KCNU1: variants seen among roughly 807,000 people sequenced by gnomAD.
KCNU1 encodes potassium channel subfamily U member 1.
A neutral mutation model predicts 126.8 loss-of-function variants in KCNU1; 93 were observed. The observed-to-expected ratio is 0.73, with a 90% CI of 0.62 to 0.87. The LOEUF (loss-of-function observed/expected upper bound fraction) is 0.87. Among genes scored for constraint, KCNU1 ranks in the 40% least tolerant of loss-of-function variants. KCNU1 has a pLI of 0.00. For synonymous variants in KCNU1, 523 were observed against 494.2 expected, an observed-to-expected ratio of 1.06 and a Z score of -0.77; for missense variants, 1,330 against 1,367.1, an observed-to-expected ratio of 0.97 and a Z score of 0.43.
Position 36,935,523 on chromosome 8 carries a change from T to C in KCNU1, c.3053T>C (p.Ile1018Thr). 1.3e-6 allele frequency: 2 copies of C among 1,594,328 alleles called. No homozygotes were observed. The highest frequency in any genetic ancestry group is 1.7e-6 in the Non-Finnish European group (2 of 1,169,136). ...ELNPENKRFV[I>T]TRPANEFKLL... ...TTTGACTTGTCTTACAGGTTTGTGA[T>C]CACCCGGCCAGCCAATGAGTTCAAG... The change falls in exon 27 of 27, where the codon ATC becomes ACC. Residue 1018 changes from isoleucine (I) to threonine (T), a missense_variant. Ile to Thr is a moderately conservative substitution (Grantham distance 89, BLOSUM62 -1). Around this residue, in one of 3 missense-constraint regions of KCNU1, gnomAD observed 1,054 missense variants for 1,053.9 expected, o/e 1.00. Transcript: ENST00000399881.
intron 23 of KCNU1, 120 bp downstream of exon 23, chr8:36,919,017 G>C: frequency 1.5e-6 from 1 of 677,732 alleles, no homozygotes. Flanking sequence ...GGGGCTCAGA[G>C]CTTTAAGTGC....
Position 36,788,024 on chromosome 8 carries a change from T to C in KCNU1, c.315+599T>C, listed in dbSNP as rs77523837. ...TGTGCACATAGATATTTTCAAAAAATGTTTAGTAAACTAATCAGACCTGAA... is the reference window on the plus strand; with the variant it reads ...TGTGCACATAGATATTTTCAAAAAACGTTTAGTAAACTAATCAGACCTGAA... On this transcript the variant is annotated intron_variant, in intron 2 of 26. Transcript: ENST00000399881. 0.019 allele frequency among the ~76,000 whole-genome samples: 2,847 copies of C among 152,116 alleles called. 236 individuals carry two copies. In the East Asian group the frequency reaches 0.26, roughly 14 times the overall value.
intron 2 of KCNU1, chr8:36,795,559 T>C (rs936520901): frequency 1.3e-5 from 2 of 152,980 alleles, no homozygotes; most frequent in African/African-American, 4.8e-5. Flanking sequence ...GATGTGGGGG[T>C]TGGGCTGGAC....
At chr8:36,875,573 G>T (rs1384181134) in intron 19 of KCNU1, among the ~76,000 whole-genome samples, 1 of 151,706 alleles carries the variant, frequency 6.6e-6, no homozygotes, top group Non-Finnish European at 1.5e-5. Context: ...CAGTGATAGG[G>T]CTTTGTAATT....
At chr8:36,824,112 C>T (rs1804231390) in intron 10 of KCNU1, among the ~76,000 whole-genome samples, 1 of 152,174 alleles carries the variant, frequency 6.6e-6, no homozygotes, top group Non-Finnish European at 1.5e-5. Context: ...ACTGGGATTG[C>T]AAGCGTGAGC....
chr8:36,817,390 T>C (rs1803954300), intron 9 of KCNU1, among the ~76,000 whole-genome samples: 1 of 151,156 alleles, frequency 6.6e-6, no homozygotes, highest in South Asian at 2.1e-4. Flanking sequence ...TCCCAGCTAC[T>C]TGGGAGGCTG....
chr8:36,821,285 C>T (rs993598078), intron 10 of KCNU1, among the ~76,000 whole-genome samples: 14 of 152,142 alleles, frequency 9.2e-5, no homozygotes, highest in African/African-American at 3.4e-4. Flanking sequence ...CATTCTCTAC[C>T]CCTAATAACA....
intron 3 of KCNU1, among the ~76,000 whole-genome samples, chr8:36,804,939 A>T (rs1803442190): frequency 6.6e-6 from 1 of 152,190 alleles, no homozygotes; most frequent in African/African-American, 2.4e-5. Context: ...TAAAATGGAA[A>T]TAGAACCAAT....
chr8:36,833,664 G>T lies in KCNU1; in HGVS notation c.1212+5G>T. 1 of 1,570,872 alleles carries T rather than the reference G, an allele frequency of 6.4e-7. No individual in the cohort carries two copies. The highest frequency in any genetic ancestry group is 1.1e-5 in the South Asian group (1 of 90,094). On this transcript the variant is annotated splice_donor_5th_base_variant and intron_variant, in intron 11 of 26. Transcript: ENST00000399881. ...GAGGATCTGAGGCGAGTTGCGGTAA[G>T]ATCTAGCTGTTTTTGTTCCTTGTAG...
chr8:36,815,515 T>C, intron 8 of KCNU1, 81 bp from the exon 9 acceptor site: 1 of 675,278 alleles, frequency 1.5e-6, no homozygotes, highest in Non-Finnish European at 2.5e-6. Flanking sequence ...TGTACCCTCC[T>C]TTTCCTTTCT....
Position 36,784,523 on chromosome 8 carries a change from G to T in KCNU1, c.113G>T (p.Gly38Val). Residue 38 changes from glycine to valine, a missense_variant, in exon 1 of 27, where the codon GGA (glycine) becomes GTA (valine). Gly to Val is a moderately radical substitution (Grantham distance 109). Coordinates refer to ENST00000399881, the MANE Select transcript of KCNU1 (RefSeq NM_001031836.3). ...ILSSFVTFFS[G>V]LIILLIFRLI... ...TCTTCCTTTGTGACCTTCTTCAGTG[G>T]ACTCATCATCCTGTTGATCTTCAGG... 1 of 1,613,828 alleles carries T rather than the reference G, an allele frequency of 6.2e-7. No homozygotes were observed.
intron 2 of KCNU1, among the ~76,000 whole-genome samples, chr8:36,788,909 G>A (rs1012388744): frequency 5.9e-5 from 9 of 152,194 alleles, no homozygotes; most frequent in African/African-American, 2.2e-4. Flanking sequence ...TATGAGCATT[G>A]CATATGGGAA....
intron 9 of KCNU1, 96 bp from the exon 10 acceptor site, chr8:36,817,554 G>A: frequency 1.8e-6 from 1 of 562,362 alleles, no homozygotes. Context: ...CATATTTATT[G>A]GAAACTAAGT....
At chr8:36,823,836 CTTT>C (rs11364462) in intron 10 of KCNU1, among the ~76,000 whole-genome samples, 7 of 129,384 alleles carry the variant, frequency 5.4e-5, no homozygotes, top group African/African-American at 1.5e-4. Context: ...TTGTTCAAAC[CTTT>C]TTTTTTTTTT....
intron 13 of KCNU1, 129 bp downstream of exon 13, chr8:36,836,494 A>T: frequency 1.5e-6 from 1 of 657,542 alleles, no homozygotes; most frequent in Admixed American, 2.8e-5. Context: ...GAGTCTTATT[A>T]AGATGGATAA....
chr8:36,898,980 A>G (rs140717813), intron 19 of KCNU1, among the ~76,000 whole-genome samples: 3,080 of 152,184 alleles, frequency 0.02, 72 homozygotes, highest in Admixed American at 0.076. Flanking sequence ...TGCAATTTCC[A>G]TGAAATATAA....
chr8:36,909,190 AC>A (rs1351185368), intron 20 of KCNU1, 120 bp from the exon 21 acceptor site: 2 of 671,152 alleles, frequency 3.0e-6, no homozygotes, highest in Non-Finnish European at 5.3e-6. Flanking sequence ...AATTCTATTC[AC>A]CTTATGAAAG....
In KCNU1 at chr8:36,804,946, C is replaced by G. The variant is rs544943163; in HGVS notation, c.378-249C>G. Reference sequence around the variant, plus strand: ...CCCATTGTTAAAATGGAAATAGAACCAATACATCCTACAAAACAAATTATG... The same window carrying G: ...CCCATTGTTAAAATGGAAATAGAACGAATACATCCTACAAAACAAATTATG... On this transcript the variant is annotated intron_variant, in intron 3 of 26. Coordinates refer to ENST00000399881, the MANE Select transcript of KCNU1 (RefSeq NM_001031836.3). Among the ~76,000 whole-genome samples, 12 of 152,234 alleles carry G rather than the reference C, an allele frequency of 7.9e-5. No homozygotes were observed. The East Asian group carries it at 1.5e-3, about 20-fold the overall frequency.
At chr8:36,892,954 G>A (rs1311920008) in intron 19 of KCNU1, among the ~76,000 whole-genome samples, 1 of 151,750 alleles carries the variant, frequency 6.6e-6, no homozygotes. Context: ...CTCTATAGAA[G>A]TCTGTTATTT....
Sources: gnomAD v4.1 joint callset for allele counts (sites outside exome capture counted in the v4.1 genomes callset) on GRCh38, gnomAD v4.1.1 for gene constraint, gnomAD v4.1.1 regional missense constraint, MANE v1.5 for transcripts, NCBI Gene and HGNC (gene_info 2026-07-23, HGNC 2026-07-21) for gene names.